Variants in AWAT1 observed in about 807,000 individuals in gnomAD.
The protein encoded by AWAT1 is diacyl-glycerol acyltransferase 2.
AWAT1 carries 26 observed loss-of-function variants against 21.6 expected under a neutral mutation model. That is an observed-to-expected ratio of 1.20 (90% confidence interval 0.88 to 1.67). The LOEUF is 1.67. AWAT1 is among the 40% of genes most tolerant of loss of function. The pLI is 0.00. For missense variants in AWAT1, 264 were observed against 249.4 expected, an observed-to-expected ratio of 1.06 and a Z score of -0.39; for synonymous variants, 102 against 99.3, an observed-to-expected ratio of 1.03 and a Z score of -0.16.
In AWAT1 at chrX:70,237,831, CAAAAAAA is replaced by C. The variant is rs34212707; in HGVS notation, c.461-362_461-356del. 2.6e-4 allele frequency among the ~76,000 whole-genome samples: 5 copies of C among 19,376 alleles called. 1 individual carries two copies. The Admixed American group carries it at 3.4e-3, about 13-fold the overall frequency. 16.8% of individuals were successfully genotyped at this position (19,376 alleles called of 115,157 possible). A position where few individuals can be genotyped will look rare whatever the true frequency, so the allele number is the denominator to read the frequency against. On this transcript the variant is annotated intron_variant, in intron 4 of 6. Transcript: ENST00000374521. ...TGGGTGACAGAGAGAAACTCTGTCTCAAAAAAAAAAAAAAAAAAAAAAAAAGAATTCG... is the reference window on the plus strand; with the variant it reads ...TGGGTGACAGAGAGAAACTCTGTCTCAAAAAAAAAAAAAAAAAAGAATTCG...
At chrX:70,237,906 T>C (rs1419760816) in intron 4 of AWAT1, among the ~76,000 whole-genome samples, 2 of 98,906 alleles carry the variant, frequency 2.0e-5, no homozygotes, top group Non-Finnish European at 4.1e-5. Context: ...AAATAATAGC[T>C]GTTGCTCTTA....
intron 5 of AWAT1, among the ~76,000 whole-genome samples, chrX:70,238,672 T>C (rs1244024828): frequency 1.8e-5 from 2 of 112,257 alleles, no homozygotes; most frequent in East Asian, 5.6e-4. Context: ...TAATGGTAAG[T>C]GCATGGGGCA....
rs200977849 is a variant in AWAT1, at chrX:70,236,081, C to T, written c.197C>T (p.Ser66Leu). 111 of 1,208,348 alleles carry T rather than the reference C, an allele frequency of 9.2e-5. No homozygotes were observed. The highest frequency in any genetic ancestry group is 1.1e-4 in the Non-Finnish European group (102 of 893,897). The change falls in exon 3 of 7, where the codon TCG becomes TTG. Residue 66 changes from serine to leucine, a missense_variant. Coordinates refer to ENST00000374521, the MANE Select transcript of AWAT1 (RefSeq NM_001013579.3). ...WKTPERGGRR[S>L]AWVRNWCVWT... ...TCTTTTGCCTCAGGTGGCAGGCGTT[C>T]GGCCTGGGTAAGGAACTGGTGTGTC...
In AWAT1 at chrX:70,239,730, T is replaced by C; in HGVS notation, c.633-5T>C. ...TTTAGAAAATAAATTGGAGTTTTCC[T>C]ACAGGGCTCATCTGGTCCCCACCTT... On this transcript the variant is annotated splice_region_variant and splice_polypyrimidine_tract_variant and intron_variant, in intron 5 of 6. Transcript: ENST00000374521. 1 of 1,207,610 alleles carries C rather than the reference T, an allele frequency of 8.3e-7. No homozygotes were observed. The highest frequency in any genetic ancestry group is 3.0e-5 in the East Asian group (1 of 33,830).
In AWAT1 at chrX:70,235,781, T is replaced by C; in HGVS notation, c.142T>C (p.Tyr48His). The C allele has an allele frequency of 8.3e-7, 1 of 1,210,461 alleles. No individual in the cohort carries two copies. Among genetic ancestry groups the C allele is most frequent in the Non-Finnish European group, 1.1e-6 (1 of 894,477 alleles). Residue 48 changes from tyrosine (Y) to histidine (H), a missense_variant, in exon 2 of 7, where the codon TAC becomes CAC. By Grantham distance (83) the Tyr-to-His change is moderately conservative. Transcript: ENST00000374521. The stretch of plus-strand genomic sequence containing the variant: ...ATCCTTGTGGCCGCTACCAGTGCTT[T>C]ACTTTGCCTGGTTGTTCCTGGACTG... ...FTSLWPLPVL[Y>H]FAWLFLDWKT...
At chrX:70,238,458 A>G (rs2085524624) in intron 5 of AWAT1, 75 bp downstream of exon 5, 7 of 1,013,496 alleles carry the variant, frequency 6.9e-6, no homozygotes, top group Non-Finnish European at 9.0e-6. Context: ...GCCAGGATGA[A>G]TCAGATGTGA....
intron 6 of AWAT1, 97 bp downstream of exon 6, chrX:70,240,031 G>C: frequency 8.8e-7 from 1 of 1,140,569 alleles, no homozygotes; most frequent in Non-Finnish European, 1.2e-6. Flanking sequence ...GGGAAGGTGG[G>C]AGCTGATCTG....
rs374261284 is a variant in AWAT1 at position 70,239,896 on chromosome X, C to T, written c.794C>T (p.Thr265Ile). The T allele has an allele frequency of 6.6e-6, 8 of 1,208,549 alleles. No homozygotes were observed. The African/African-American group carries it at 1.2e-4, about 19-fold the overall frequency. ...GGACAAAGCTTCTGTCAAGGCTCCACTGGGCTCCTGCCATACTCCAGGCCT... is the reference window on the plus strand; with the variant it reads ...GGACAAAGCTTCTGTCAAGGCTCCATTGGGCTCCTGCCATACTCCAGGCCT... ...FYGQSFCQGS[T>I]GLLPYSRPIV... Residue 265 changes from threonine to isoleucine, a missense_variant, in exon 6 of 7, where the codon ACT becomes ATT. Transcript: ENST00000374521.
Position 70,234,724 on chromosome X carries a change from T to C in AWAT1, c.29T>C (p.Phe10Ser). MAHSKQPSH[F>S]QSLMLLQWPL... Reference sequence around the variant, plus strand: ...GCTCATTCCAAGCAGCCTAGTCACTTCCAGAGTCTGATGCTTCTGCAGTGG... The same window carrying C: ...GCTCATTCCAAGCAGCCTAGTCACTCCCAGAGTCTGATGCTTCTGCAGTGG... The change falls in exon 1 of 7, where the codon TTC becomes TCC. Residue 10 changes from phenylalanine (F) to serine (S), a missense_variant. By Grantham distance (155) the Phe-to-Ser change is radical. Transcript: ENST00000374521. 1.7e-6 allele frequency: 2 copies of C among 1,210,763 alleles called. No individual in the cohort carries two copies. Among genetic ancestry groups the C allele is most frequent in the Non-Finnish European group, 2.2e-6 (2 of 894,966 alleles).
chrX:70,235,849 G>C lies in AWAT1; in HGVS notation c.184+26G>C, dbSNP rs1017700844. The stretch of plus-strand genomic sequence containing the variant: ...GTAAGACTCACAGACCTAGAAAGAA[G>C]AATGTTCCATCATAACCTGCAGCCA... On this transcript the variant is annotated intron_variant, in intron 2 of 6. Coordinates refer to ENST00000374521, the MANE Select transcript of AWAT1 (RefSeq NM_001013579.3). The C allele has an allele frequency of 2.6e-6, 3 of 1,141,135 alleles. No homozygotes were observed. The African/African-American group carries it at 5.4e-5, about 21-fold the overall frequency. The allele number at this position is 1,141,135 out of a possible 1,213,427, so 94.0% of individuals were successfully genotyped here. A position where few individuals can be genotyped will look rare whatever the true frequency, so the allele number is the denominator to read the frequency against.
At position 70,236,098 on chromosome X, in the gene AWAT1, T is replaced by C. The variant is rs1227554491; in HGVS notation, c.214T>C (p.Trp72Arg). 14 of 1,211,287 alleles carry C rather than the reference T, an allele frequency of 1.2e-5. No individual in the cohort carries two copies. The highest frequency in any genetic ancestry group is 1.6e-5 in the Non-Finnish European group (14 of 895,000). Residue 72 changes from tryptophan (W) to arginine (R), a missense_variant, in exon 3 of 7, where the codon TGG (tryptophan) becomes CGG (arginine). Transcript: ENST00000374521. ...CAGGCGTTCGGCCTGGGTAAGGAAC[T>C]GGTGTGTCTGGACCCACATCAGGGA... The part of the protein sequence containing the change: ...GGRRSAWVRN[W>R]CVWTHIRDYF...
Position 70,234,991 on chromosome X carries a change from C to T in AWAT1, c.76+220C>T, listed in dbSNP as rs372835631. Among the ~76,000 whole-genome samples, 130 of 103,887 alleles carry T rather than the reference C, an allele frequency of 1.3e-3. 6 individuals carry two copies. The South Asian group carries it at 0.056, about 44-fold the overall frequency. The allele number at this position is 103,887 out of a possible 115,157, so 90.2% of individuals were successfully genotyped here. On this transcript the variant is annotated intron_variant, in intron 1 of 6. Coordinates refer to ENST00000374521, the MANE Select transcript of AWAT1 (RefSeq NM_001013579.3). ...AGTGAGAATATGTAGTGGGAGGGGG[C>T]GGGGGGTGGAACAGGGTCATGATGG...
chrX:70,236,076 G>T lies in AWAT1; in HGVS notation c.192G>T (p.Arg64Ser). The T allele has an allele frequency of 8.3e-7, 1 of 1,208,518 alleles. No homozygotes were observed. Among genetic ancestry groups the T allele is most frequent in the East Asian group, 3.0e-5 (1 of 33,731 alleles). ...LDWKTPERGG[R>S]RSAWVRNWCV... ...CTTCTTCTTTTGCCTCAGGTGGCAG[G>T]CGTTCGGCCTGGGTAAGGAACTGGT... is the stretch of plus-strand genomic sequence containing the variant. Residue 64 changes from arginine to serine, a missense_variant, in exon 3 of 7, where the codon AGG (arginine) becomes AGT (serine). Transcript: ENST00000374521.
In AWAT1 at chrX:70,238,373, C is replaced by T; in HGVS notation, c.622C>T (p.Leu208Phe). ...QKRKGFVRTA[L>F]QHGAHLVPTF... ...GCGCAAGGGGTTCGTGCGCACAGCC[C>T]TCCAGCATGGGTAGGTGTTCCCCAC... The change falls in exon 5 of 7, where the codon CTC becomes TTC. Residue 208 changes from leucine (L) to phenylalanine (F), a missense_variant. Physicochemically the swap from Leu to Phe is conservative, Grantham distance 22 (BLOSUM62 0). Transcript: ENST00000374521. The T allele has an allele frequency of 8.4e-7, 1 of 1,194,124 alleles. No homozygotes were observed.
chrX:70,239,709 G>C, intron 5 of AWAT1, 26 bp from the exon 6 acceptor site: 1 of 1,184,400 alleles, frequency 8.4e-7, no homozygotes, highest in East Asian at 3.0e-5. Context: ...CTTGTGTTTA[G>C]AAAATAAATT....
chrX:70,236,238 A>C, intron 3 of AWAT1, 99 bp downstream of exon 3: 2 of 702,055 alleles, frequency 2.8e-6, no homozygotes, highest in Middle Eastern at 6.2e-4. Context: ...TAAGTATCCC[A>C]GGGAAGTCTC....
At chrX:70,238,630 C>G (rs1049230435) in intron 5 of AWAT1, among the ~76,000 whole-genome samples, 3 of 112,487 alleles carry the variant, frequency 2.7e-5, no homozygotes, top group East Asian at 2.8e-4. Flanking sequence ...CCCACATTAT[C>G]TCTATCAATG....
intron 2 of AWAT1, 54 bp downstream of exon 2, chrX:70,235,877 G>A: frequency 9.3e-7 from 1 of 1,078,570 alleles, no homozygotes; most frequent in South Asian, 1.9e-5. Context: ...TGCAGCCAGA[G>A]AGTCCCACTC....
Position 70,235,814 on chromosome X carries a change from C to A in AWAT1, c.175C>A (p.Pro59Thr). 8.3e-7 allele frequency: 1 copy of A among 1,202,390 alleles called. No homozygotes were observed. The highest frequency in any genetic ancestry group is 1.1e-6 in the Non-Finnish European group (1 of 887,223). Residue 59 changes from proline (P) to threonine (T), a missense_variant, in exon 2 of 7, where the codon CCA (proline) becomes ACA (threonine). Physicochemically the swap from Pro to Thr is conservative, Grantham distance 38. Coordinates refer to ENST00000374521, the MANE Select transcript of AWAT1 (RefSeq NM_001013579.3). Reference sequence around the variant, plus strand: ...CTGGTTGTTCCTGGACTGGAAGACCCCAGAGCGAGGTAAGACTCACAGACC... The same window carrying A: ...CTGGTTGTTCCTGGACTGGAAGACCACAGAGCGAGGTAAGACTCACAGACC... ...FAWLFLDWKT[P>T]ERGGRRSAWV...
Sources: allele counts gnomAD v4.1 joint callset (sites outside exome capture counted in the v4.1 genomes callset), GRCh38; gene constraint gnomAD v4.1.1; transcripts MANE v1.5; gene names NCBI Gene and HGNC (gene_info 2026-07-23, HGNC 2026-07-21).